Variants in UGGT2 observed in about 807,000 individuals in gnomAD.
The protein encoded by UGGT2 is UDP-glucose:glycoprotein glucosyltransferase 2.
UGGT2 carries 180 observed loss-of-function variants against 192.1 expected under a neutral mutation model. That is an observed-to-expected ratio of 0.94 (90% CI 0.83 to 1.06). The LOEUF (loss-of-function observed/expected upper bound fraction) is 1.06. Ranked by LOEUF, UGGT2 falls within the 50% of genes least tolerant of loss-of-function variation. UGGT2 has a pLI of 0.00. For missense variants in UGGT2, 1,849 were observed against 1,795.7 expected, an observed-to-expected ratio of 1.03 and a Z score of -0.54; for synonymous variants, 580 against 591.0, an observed-to-expected ratio of 0.98 and a Z score of 0.27.
chr13:95,849,545 A>G (rs1371667269), intron 36 of UGGT2, among the ~76,000 whole-genome samples: 2 of 148,202 alleles, frequency 1.3e-5, no homozygotes, highest in Non-Finnish European at 3.0e-5. Flanking sequence ...TCTGTCTCAA[A>G]AAAAAAAAAA....
chr13:95,838,704 A>C (rs1325187534), intron 36 of UGGT2, among the ~76,000 whole-genome samples: 1 of 152,140 alleles, frequency 6.6e-6, no homozygotes, highest in African/African-American at 2.4e-5. Context: ...AAAGTCCGTT[A>C]ATCAAAGAAA....
At chr13:96,006,960 T>G (rs1173276334) in intron 5 of UGGT2, among the ~76,000 whole-genome samples, 1 of 151,998 alleles carries the variant, frequency 6.6e-6, no homozygotes, top group Non-Finnish European at 1.5e-5. Flanking sequence ...CAGCATTACC[T>G]CAATACCAAA....
intron 36 of UGGT2, among the ~76,000 whole-genome samples, chr13:95,839,626 T>C (rs148514926): frequency 1.1e-4 from 16 of 152,314 alleles, no homozygotes; most frequent in South Asian, 4.1e-4. Flanking sequence ...TTTGGACACA[T>C]GTTTTCAACT....
At chr13:95,887,331 G>T (rs1242976376) in intron 26 of UGGT2, 1 of 512,662 alleles carries the variant, frequency 2.0e-6, no homozygotes, top group Non-Finnish European at 3.9e-6. Flanking sequence ...AATAAGAATG[G>T]CTCATAATGA....
At chr13:96,022,189 C>A (rs1320516674) in intron 4 of UGGT2, among the ~76,000 whole-genome samples, 1 of 151,506 alleles carries the variant, frequency 6.6e-6, no homozygotes, top group Non-Finnish European at 1.5e-5. Flanking sequence ...TGACTAGGTA[C>A]CTGAGGAAAA....
chr13:96,023,268 C>A, intron 3 of UGGT2, 116 bp from the exon 4 acceptor site: 1 of 795,852 alleles, frequency 1.3e-6, no homozygotes. Context: ...AGTTATTGCT[C>A]TAATTAAAGT....
intron 12 of UGGT2, among the ~76,000 whole-genome samples, chr13:95,965,385 T>C (rs1481484731): frequency 6.6e-6 from 1 of 151,296 alleles, no homozygotes; most frequent in East Asian, 1.9e-4. Context: ...ATGTGGCACA[T>C]ATACACCATG....
intron 33 of UGGT2, among the ~76,000 whole-genome samples, chr13:95,857,699 A>T (rs1471901608): frequency 6.6e-6 from 1 of 152,180 alleles, no homozygotes; most frequent in Non-Finnish European, 1.5e-5. Flanking sequence ...TATTTCACTA[A>T]GAAGTTTTCA....
chr13:95,818,166 A>G (rs1453152091), intron 38 of UGGT2, among the ~76,000 whole-genome samples: 1 of 152,146 alleles, frequency 6.6e-6, no homozygotes. Flanking sequence ...ATAATAAATT[A>G]GCTGGGAGCA....
chr13:95,981,814 C>T (rs1376219268), intron 10 of UGGT2, among the ~76,000 whole-genome samples: 1 of 152,180 alleles, frequency 6.6e-6, no homozygotes, highest in Non-Finnish European at 1.5e-5. Flanking sequence ...ATCACAACCA[C>T]CCTCTTCCCC....
chr13:96,038,800 A>C (rs2053081440), intron 1 of UGGT2, among the ~76,000 whole-genome samples: 1 of 152,092 alleles, frequency 6.6e-6, no homozygotes, highest in Non-Finnish European at 1.5e-5. Flanking sequence ...CTTTGCCAAC[A>C]ACCTCCAAAA....
chr13:95,887,835 T>A (rs899843841), intron 26 of UGGT2, 57 bp downstream of exon 26: 3 of 1,098,796 alleles, frequency 2.7e-6, no homozygotes, highest in Admixed American at 2.1e-5. Flanking sequence ...ATGATTGTTT[T>A]TTTCTTCTCA....
At chr13:96,045,717 G>T (rs2053290407) in intron 1 of UGGT2, among the ~76,000 whole-genome samples, 2 of 152,030 alleles carry the variant, frequency 1.3e-5, no homozygotes, top group African/African-American at 4.8e-5. Flanking sequence ...ATCTAATCAA[G>T]AACTCAACCC....
chr13:95,909,603 G>A (rs1313300994), intron 20 of UGGT2, among the ~76,000 whole-genome samples: 184 of 113,082 alleles, frequency 1.6e-3, no homozygotes, highest in African/African-American at 5.8e-3. Context: ...GGACTGTTGT[G>A]GGGTGGGGGG....
chr13:95,867,406 G>C lies in UGGT2; in HGVS notation c.3491C>G (p.Ser1164Cys). Reference protein sequence around the residue: ...YQIVGHEGTDSQADLEDIIVV... With the variant: ...YQIVGHEGTDCQADLEDIIVV... Reference sequence around the variant, plus strand: ...AATGATATCTTCTAGGTCTGCTTGAGAGTCAGTTCCTTCATGCCTAAAAGT... The same window carrying C: ...AATGATATCTTCTAGGTCTGCTTGACAGTCAGTTCCTTCATGCCTAAAAGT... Residue 1164 changes from serine to cysteine, a missense_variant, in exon 30 of 39, where the codon TCT becomes TGT. Physicochemically the swap from Ser to Cys is moderately radical, Grantham distance 112. Coordinates refer to ENST00000376747, the MANE Select transcript of UGGT2 (RefSeq NM_020121.4). 3.1e-6 allele frequency: 5 copies of C among 1,606,480 alleles called. No homozygotes were observed. Among genetic ancestry groups the C allele is most frequent in the Non-Finnish European group, 4.2e-6 (5 of 1,177,516 alleles).
At chr13:95,953,746 G>A (rs147277421) in intron 12 of UGGT2, among the ~76,000 whole-genome samples, 1 of 152,068 alleles carries the variant, frequency 6.6e-6, no homozygotes, top group Non-Finnish European at 1.5e-5. Flanking sequence ...AAAACTTGGT[G>A]AATAGGCCGT....
chr13:95,819,656 G>A (rs1314352394), intron 38 of UGGT2, among the ~76,000 whole-genome samples: 1 of 152,018 alleles, frequency 6.6e-6, no homozygotes, highest in Non-Finnish European at 1.5e-5. Context: ...ATTGTAAAAG[G>A]AAGAAATAAT....
intron 5 of UGGT2, among the ~76,000 whole-genome samples, chr13:95,999,530 T>C (rs1046383845): frequency 5.9e-5 from 9 of 152,232 alleles, no homozygotes; most frequent in African/African-American, 1.9e-4. Context: ...GACTACTGTT[T>C]TAATTACTTT....
rs1331329628 is a variant in UGGT2, at chr13:95,884,582, G to A, written c.3137C>T (p.Pro1046Leu). 1 of 1,613,924 alleles carries A rather than the reference G, an allele frequency of 6.2e-7. No homozygotes were observed. The highest frequency in any genetic ancestry group is 2.2e-5 in the East Asian group (1 of 44,844). ...VAKFLDIPES[P>L]LLILNMITPE... ...AGTAATCATGTTGAGGATTAGGAGGGGTGATTCAGGAATATCCAAAAATTT... is the reference window on the plus strand; with the variant it reads ...AGTAATCATGTTGAGGATTAGGAGGAGTGATTCAGGAATATCCAAAAATTT... The change falls in exon 27 of 39, where the codon CCC (proline) becomes CTC (leucine). Residue 1046 changes from proline (P) to leucine (L), a missense_variant. Pro to Leu is a moderately conservative substitution (Grantham distance 98, BLOSUM62 -3). Coordinates refer to ENST00000376747, the MANE Select transcript of UGGT2 (RefSeq NM_020121.4).
Sources: allele counts gnomAD v4.1 joint callset (sites outside exome capture counted in the v4.1 genomes callset), GRCh38; gene constraint gnomAD v4.1.1; transcripts MANE v1.5; gene names NCBI Gene and HGNC (gene_info 2026-07-23, HGNC 2026-07-21).